NPS: variants seen among roughly 807,000 people sequenced by gnomAD.
NPS encodes the protein neuropeptide S.
A neutral mutation model predicts 7.2 loss-of-function variants in NPS; 6 were observed. The ratio of observed to expected loss-of-function variants is 0.83; its 90% CI spans 0.46 to 1.64. The LOEUF (loss-of-function observed/expected upper bound fraction) is 1.64, where lower values mean the gene tolerates loss of function less well. Among genes scored for constraint, NPS ranks in the 40% most tolerant of loss-of-function variants. NPS has a pLI of 0.01. For synonymous variants in NPS, 42 were observed against 36.7 expected, an observed-to-expected ratio of 1.14 and a Z score of -0.52; for missense variants, 123 against 97.8, an observed-to-expected ratio of 1.26 and a Z score of -1.09.
Position 127,552,586 on chromosome 10 carries a change from A to C in NPS, c.217A>C (p.Asn73His), listed in dbSNP as rs779231553. The C allele has an allele frequency of 6.2e-7, 1 of 1,613,904 alleles. No individual in the cohort carries two copies. The highest frequency in any genetic ancestry group is 1.7e-5 in the Admixed American group (1 of 60,016). ...GATGTTTGTGAAAAGGTCCTTTCGC[A>C]ATGGAGTTGGCACAGGGATGAAAAA... ...EKMFVKRSFR[N>H]GVGTGMKKTS... The change falls in exon 3 of 3, where the codon AAT (asparagine) becomes CAT (histidine). Residue 73 changes from asparagine to histidine, a missense_variant. Asn to His is a moderately conservative substitution (Grantham distance 68). Coordinates refer to ENST00000398023, the MANE Select transcript of NPS (RefSeq NM_001030013.2).
intron 2 of NPS, among the ~76,000 whole-genome samples, chr10:127,551,220 ACTCT>A (rs1388927177): frequency 2.6e-5 from 4 of 151,380 alleles, no homozygotes; most frequent in Non-Finnish European, 5.9e-5. Flanking sequence ...TATTTCTGAA[ACTCT>A]CTGACCAAAC....
At position 127,552,928 on chromosome 10, in the gene NPS, A is replaced by G. The variant is rs1309670333; in HGVS notation, c.*289A>G. Among the ~76,000 whole-genome samples the G allele has an allele frequency of 6.6e-6, 1 of 152,202 alleles. No homozygotes were observed. The highest frequency in any genetic ancestry group is 1.5e-5 in the Non-Finnish European group (1 of 68,042). On this transcript the variant is annotated 3_prime_UTR_variant, in exon 3 of 3. Coordinates refer to ENST00000398023, the MANE Select transcript of NPS (RefSeq NM_001030013.2). ...TTGCTTTGCTTTTAACTTGGCCAGA[A>G]AGCATGAGCATGTTGACAGTCATCA...
Position 127,552,635 on chromosome 10 carries a change from C to T in NPS, c.266C>T (p.Ser89Leu), listed in dbSNP as rs865939340. The T allele has an allele frequency of 6.2e-7, 1 of 1,607,824 alleles. No individual in the cohort carries two copies. Residue 89 changes from serine (S) to leucine (L), a missense_variant, in exon 3 of 3, where the codon TCA (serine) becomes TTA (leucine). Physicochemically the swap from Ser to Leu is moderately radical, Grantham distance 145. Transcript: ENST00000398023. ...AAAACTTCCTTTCAAAGAGCAAAAT[C>T]ATGACTAAGTGTGCAAAGGACTCGG... ...MKKTSFQRAK[S>L] is the part of the protein sequence containing the mutation.
At position 127,549,378 on chromosome 10, in the gene NPS, TA is replaced by T; in HGVS notation, c.8+6del. The stretch of plus-strand genomic sequence containing the variant: ...TTTTGGGAAGTCCAAAATGATTAGG[TA>T]AAAGGCTACGTTTTTCTGCAAAGAA... On this transcript the variant is annotated splice_donor_region_variant and intron_variant, in intron 1 of 2. Transcript: ENST00000398023. 6.2e-7 allele frequency: 1 copy of T among 1,609,850 alleles called. No homozygotes were observed. The highest frequency in any genetic ancestry group is 1.8e-4 in the Middle Eastern group (1 of 5,658).
chr10:127,550,527 A>T (rs1359247318), intron 2 of NPS, among the ~76,000 whole-genome samples: 3 of 152,150 alleles, frequency 2.0e-5, no homozygotes, highest in Non-Finnish European at 4.4e-5. Flanking sequence ...TATTTTCTCA[A>T]GTGTCTTCCT....
rs889723577 is a variant in NPS at position 127,552,692 on chromosome 10, G to A, written c.*53G>A. 1.6e-5 allele frequency: 19 copies of A among 1,176,528 alleles called. No individual in the cohort carries two copies. Among genetic ancestry groups the A allele is most frequent in the Admixed American group, 9.1e-5 (5 of 54,844 alleles). 72.9% of individuals were successfully genotyped at this position (1,176,528 alleles called of 1,614,324 possible). A position where few individuals can be genotyped will look rare whatever the true frequency, so the allele number is the denominator to read the frequency against. On this transcript the variant is annotated 3_prime_UTR_variant, in exon 3 of 3. Transcript: ENST00000398023. The stretch of plus-strand genomic sequence containing the variant: ...AATCTAACTGTAGAGTGTGACTGAC[G>A]TACTCAAAGTCCATCGTCTCTTTAT...
At position 127,552,606 on chromosome 10, in the gene NPS, GA is replaced by G. The variant is rs1455620486; in HGVS notation, c.244del (p.Thr82LeufsTer10). ...TTCGCAATGGAGTTGGCACAGGGAT[GA>G]AAAAAACTTCCTTTCAAAGAGCAAA... Reference protein sequence around the residue: ...SFRNGVGTGMKKTSFQRAKS With the variant: ...SFRNGVGTGMXKTSFQRAKS On this transcript the variant is annotated frameshift_variant, in exon 3 of 3. Transcript: ENST00000398023. LOFTEE classifies it high-confidence loss of function. 1.2e-5 allele frequency: 19 copies of G among 1,612,436 alleles called. No homozygotes were observed. Among genetic ancestry groups the G allele is most frequent in the Admixed American group, 6.7e-5 (4 of 59,766 alleles).
chr10:127,550,755 C>T lies in NPS; in HGVS notation c.90+1185C>T, dbSNP rs367979380. ...TTTTGTTCTTGTTATTACCTAGTTC[C>T]GTAGTAAGAGTGTGGATGCTATTCA... On this transcript the variant is annotated intron_variant, in intron 2 of 2. Transcript: ENST00000398023. Among the ~76,000 whole-genome samples, 62 of 152,210 alleles carry T rather than the reference C, an allele frequency of 4.1e-4. 1 individual carries two copies. The highest frequency in any genetic ancestry group is 6.9e-4 in the Non-Finnish European group (47 of 68,016).
Position 127,552,703 on chromosome 10 carries a change from C to T in NPS, c.*64C>T. On this transcript the variant is annotated 3_prime_UTR_variant, in exon 3 of 3. Transcript: ENST00000398023. ...AGAGTGTGACTGACGTACTCAAAGT[C>T]CATCGTCTCTTTATCATTGAGTGTT... The T allele has an allele frequency of 9.4e-7, 1 of 1,058,930 alleles. No individual in the cohort carries two copies. Among genetic ancestry groups the T allele is most frequent in the Non-Finnish European group, 1.4e-6 (1 of 693,644 alleles). 65.6% of individuals were successfully genotyped at this position (1,058,930 alleles called of 1,614,324 possible). A position where few individuals can be genotyped will look rare whatever the true frequency, so the allele number is the denominator to read the frequency against.
chr10:127,551,266 A>ATTT (rs140144794), intron 2 of NPS, among the ~76,000 whole-genome samples: 12,890 of 151,448 alleles, frequency 0.085, 697 homozygotes, highest in Non-Finnish European at 0.13. Context: ...GAAAAAGCCC[A>ATTT]TTTTTTTTCC....
rs746684515 is a variant in NPS, at chr10:127,549,343, T to A, written c.-26T>A. The A allele has an allele frequency of 6.3e-7, 1 of 1,599,684 alleles. No individual in the cohort carries two copies. Among genetic ancestry groups the A allele is most frequent in the East Asian group, 2.2e-5 (1 of 44,646 alleles). Reference sequence around the variant, plus strand: ...AGAAATTTGGCAATAAAACCACCTATCTTTACAGATTTTGGGAAGTCCAAA... The same window carrying A: ...AGAAATTTGGCAATAAAACCACCTAACTTTACAGATTTTGGGAAGTCCAAA... On this transcript the variant is annotated 5_prime_UTR_variant, in exon 1 of 3. Transcript: ENST00000398023.
chr10:127,551,094 G>C (rs1257303154), intron 2 of NPS, among the ~76,000 whole-genome samples: 2 of 152,070 alleles, frequency 1.3e-5, no homozygotes, highest in African/African-American at 4.8e-5. Context: ...TTCCCTGCTG[G>C]GGATTTTAAA....
Position 127,552,947 on chromosome 10 carries a change from G to A in NPS, c.*308G>A, listed in dbSNP as rs1279738452. ...GCCAGAAAGCATGAGCATGTTGACA[G>A]TCATCACGATAGTATGATTTTTTTT... On this transcript the variant is annotated 3_prime_UTR_variant, in exon 3 of 3. Coordinates refer to ENST00000398023, the MANE Select transcript of NPS (RefSeq NM_001030013.2). Among the ~76,000 whole-genome samples, 1 of 151,732 alleles carries A rather than the reference G, an allele frequency of 6.6e-6. No individual in the cohort carries two copies. The highest frequency in any genetic ancestry group is 1.5e-5 in the Non-Finnish European group (1 of 68,036).
chr10:127,551,112 C>A (rs917801925), intron 2 of NPS, among the ~76,000 whole-genome samples: 1 of 152,082 alleles, frequency 6.6e-6, no homozygotes. Context: ...AAATAGAAGG[C>A]GTTCTCTCTA....
rs146323583 is a variant in NPS at position 127,550,214 on chromosome 10, A to G, written c.90+644A>G. ...GCATTTTGAACTTGAACTTTTTTTC[A>G]CTAAAACGTAACCTGTCACATTATA... On this transcript the variant is annotated intron_variant, in intron 2 of 2. Coordinates refer to ENST00000398023, the MANE Select transcript of NPS (RefSeq NM_001030013.2). Among the ~76,000 whole-genome samples, 576 of 152,198 alleles carry G rather than the reference A, an allele frequency of 3.8e-3. 3 individuals are homozygous for G. The highest frequency in any genetic ancestry group is 5.1e-3 in the Non-Finnish European group (349 of 67,984).
chr10:127,552,691 C>G lies in NPS; in HGVS notation c.*52C>G, dbSNP rs187402193. ...TAATCTAACTGTAGAGTGTGACTGA[C>G]GTACTCAAAGTCCATCGTCTCTTTA... is the stretch of plus-strand genomic sequence containing the variant. On this transcript the variant is annotated 3_prime_UTR_variant, in exon 3 of 3. Transcript: ENST00000398023. The G allele has an allele frequency of 1.6e-4, 190 of 1,214,336 alleles. No individual in the cohort carries two copies. Among genetic ancestry groups the G allele is most frequent in the Non-Finnish European group, 2.1e-4 (173 of 829,204 alleles). 75.2% of individuals were successfully genotyped at this position (1,214,336 alleles called of 1,614,324 possible). A position where few individuals can be genotyped will look rare whatever the true frequency, so the allele number is the denominator to read the frequency against.
In NPS at chr10:127,549,562, T is replaced by G. The variant is rs769910288; in HGVS notation, c.82T>G (p.Ser28Ala). The G allele has an allele frequency of 1.3e-6, 2 of 1,592,024 alleles. No homozygotes were observed. Among genetic ancestry groups the G allele is most frequent in the Admixed American group, 3.3e-5 (2 of 59,986 alleles). Residue 28 changes from serine to alanine, a missense_variant, in exon 2 of 3, where the codon TCT becomes GCT. Transcript: ENST00000398023. ...TGTGTTTTGGTGTTATCCAGTTCCATCTTCTAAGGTAAGGATTTGCCTCCG... is the reference window on the plus strand; with the variant it reads ...TGTGTTTTGGTGTTATCCAGTTCCAGCTTCTAAGGTAAGGATTTGCCTCCG... The part of the protein sequence containing the change: ...MHVFWCYPVP[S>A]SKVSGKSDYF...
chr10:127,552,235 G>T, intron 2 of NPS, among the ~76,000 whole-genome samples: 1 of 152,168 alleles, frequency 6.6e-6, no homozygotes. Context: ...ATACGGAATA[G>T]CAGCAAGTAT....
rs554379763 is a variant in NPS, at chr10:127,549,606, A to G, written c.90+36A>G. 8.9e-4 allele frequency: 997 copies of G among 1,115,620 alleles called. 17 individuals carry two copies. In the South Asian group the frequency reaches 0.012, roughly 13 times the overall value. The allele number at this position is 1,115,620 out of a possible 1,614,324, so 69.1% of individuals were successfully genotyped here. A position where few individuals can be genotyped will look rare whatever the true frequency, so the allele number is the denominator to read the frequency against. ...GCCTCCGTTGTGGATATTTAAATAGATGACTAGAATGGTAAATTATGTAAA... is the reference window on the plus strand; with the variant it reads ...GCCTCCGTTGTGGATATTTAAATAGGTGACTAGAATGGTAAATTATGTAAA... On this transcript the variant is annotated intron_variant, in intron 2 of 2. Coordinates refer to ENST00000398023, the MANE Select transcript of NPS (RefSeq NM_001030013.2).
Sources: gnomAD v4.1 joint callset for allele counts (sites outside exome capture counted in the v4.1 genomes callset) on GRCh38, gnomAD v4.1.1 for gene constraint, MANE v1.5 for transcripts, NCBI Gene and HGNC (gene_info 2026-07-23, HGNC 2026-07-21) for gene names.